The following RBM27 variants were observed in gnomAD, a reference collection of about 807,000 sequenced individuals.
The protein encoded by RBM27 is RNA binding motif protein 27.
RBM27 carries 22 observed loss-of-function variants against 135.3 expected under a neutral mutation model. That is an observed-to-expected ratio of 0.16 (90% CI 0.12 to 0.23). The LOEUF is 0.23. RBM27 is among the 10% of genes least tolerant of loss of function. The pLI is 1.00. For missense variants in RBM27, 1,009 were observed against 1,281.0 expected, an observed-to-expected ratio of 0.79 and a Z score of 3.24; for synonymous variants, 481 against 442.4, an observed-to-expected ratio of 1.09 and a Z score of -1.10.
At chr5:146,276,459 C>T (rs1161385841) in intron 19 of RBM27, among the ~76,000 whole-genome samples, 4 of 152,162 alleles carry the variant, frequency 2.6e-5, no homozygotes, top group Non-Finnish European at 5.9e-5. Context: ...TAATGTCTCA[C>T]TCCTGTCATT....
intron 3 of RBM27, among the ~76,000 whole-genome samples, chr5:146,228,350 C>T (rs538594970): frequency 1.4e-5 from 2 of 144,114 alleles, no homozygotes; most frequent in South Asian, 4.3e-4. Flanking sequence ...GGCGTGATCT[C>T]GGCTCACTGC....
At chr5:146,257,006 A>G (rs1360304693) in intron 10 of RBM27, among the ~76,000 whole-genome samples, 1 of 152,250 alleles carries the variant, frequency 6.6e-6, no homozygotes, top group Non-Finnish European at 1.5e-5. Context: ...CGCAGTTGCT[A>G]TCTTCTTCAT....
chr5:146,282,000 C>CTTTT lies in RBM27; in HGVS notation c.2989-2604_2989-2601dup, dbSNP rs777368235. 5.6e-3 allele frequency among the ~76,000 whole-genome samples: 566 copies of CTTTT among 101,470 alleles called. 1 individual carries two copies. The highest frequency in any genetic ancestry group is 7.5e-3 in the African/African-American group (190 of 25,302). 66.6% of individuals were successfully genotyped at this position (101,470 alleles called of 152,430 possible). ...CAATATACCACAGTTTATTTTTCAT[C>CTTTT]TTTTTTTTTTTTTTTTTTTTTGAGA... On this transcript the variant is annotated intron_variant, in intron 19 of 20. Transcript: ENST00000265271.
At chr5:146,240,070 C>T (rs780432478) in intron 8 of RBM27, among the ~76,000 whole-genome samples, 50 of 152,052 alleles carry the variant, frequency 3.3e-4, no homozygotes, top group Non-Finnish European at 6.5e-4. Context: ...AGCCACTGTT[C>T]CTGGCCTTTA....
intron 8 of RBM27, among the ~76,000 whole-genome samples, chr5:146,245,410 G>A (rs1299451268): frequency 6.6e-6 from 1 of 152,070 alleles, no homozygotes; most frequent in Non-Finnish European, 1.5e-5. Flanking sequence ...AAGTTCGTTC[G>A]TTGTACTGGA....
At chr5:146,269,179 T>C in intron 15 of RBM27, 28 bp from the exon 16 acceptor site, 1 of 1,505,324 alleles carries the variant, frequency 6.6e-7, no homozygotes, top group Non-Finnish European at 9.2e-7. Context: ...TTACATTATC[T>C]GTATTAATTT....
chr5:146,237,578 G>T, intron 8 of RBM27, 146 bp downstream of exon 8: 2 of 970,148 alleles, frequency 2.1e-6, no homozygotes, highest in Admixed American at 2.7e-5. Context: ...ACAGTTTATC[G>T]TGTGTTTCTG....
intron 8 of RBM27, among the ~76,000 whole-genome samples, chr5:146,238,051 T>C (rs893420609): frequency 2.0e-5 from 3 of 152,182 alleles, no homozygotes; most frequent in African/African-American, 7.2e-5. Flanking sequence ...GTTTATCTGA[T>C]TGATTTTCTA....
intron 19 of RBM27, among the ~76,000 whole-genome samples, chr5:146,281,509 G>A (rs1252450500): frequency 6.6e-6 from 1 of 152,086 alleles, no homozygotes; most frequent in African/African-American, 2.4e-5. Context: ...ATTGTCTTGG[G>A]CCACACATAA....
At chr5:146,207,892 T>A (rs981190647) in intron 1 of RBM27, among the ~76,000 whole-genome samples, 26 of 148,650 alleles carry the variant, frequency 1.7e-4, no homozygotes, top group Admixed American at 3.4e-4. Context: ...TGACCTCAGG[T>A]GATCCGCCTC....
At chr5:146,204,922 A>G (rs1005316332) in intron 1 of RBM27, among the ~76,000 whole-genome samples, 109 of 152,122 alleles carry the variant, frequency 7.2e-4, no homozygotes, top group East Asian at 9.7e-4. Flanking sequence ...TTTTGAAACA[A>G]TGTCTCGCTG....
chr5:146,211,418 T>C (rs559713738), intron 1 of RBM27, among the ~76,000 whole-genome samples: 1 of 150,468 alleles, frequency 6.6e-6, no homozygotes, highest in South Asian at 2.1e-4. Flanking sequence ...TTAACAAATG[T>C]GAAAGTCAAC....
At chr5:146,244,120 G>A (rs1273932420) in intron 8 of RBM27, among the ~76,000 whole-genome samples, 1 of 152,150 alleles carries the variant, frequency 6.6e-6, no homozygotes, top group African/African-American at 2.4e-5. Flanking sequence ...ACTGGTTTTG[G>A]AAAAAGACAA....
At chr5:146,208,931 A>G (rs951515100) in intron 1 of RBM27, among the ~76,000 whole-genome samples, 1 of 152,212 alleles carries the variant, frequency 6.6e-6, no homozygotes, top group Non-Finnish European at 1.5e-5. Flanking sequence ...TGTTTTAAAA[A>G]GCATGGTGGG....
In RBM27 at chr5:146,251,829, C is replaced by T. The variant is rs1757898888; in HGVS notation, c.1398C>T (p.Ser466=). ...LVPPRNLMGS[S]IGYHTSVSSP... ...CACCTCGAAACCTCATGGGATCCTC[C>T]ATTGGATACCATACCTCAGTCTCCA... is the stretch of plus-strand genomic sequence containing the variant. Residue 466 remains serine (S), a synonymous_variant, in exon 9 of 21, where the codon TCC becomes TCT. Coordinates refer to ENST00000265271, the MANE Select transcript of RBM27 (RefSeq NM_018989.2). 1 of 1,614,102 alleles carries T rather than the reference C, an allele frequency of 6.2e-7. No individual in the cohort carries two copies.
In RBM27 at chr5:146,242,963, T is replaced by C. The variant is rs559984254; in HGVS notation, c.1279+5531T>C. 6.6e-5 allele frequency among the ~76,000 whole-genome samples: 10 copies of C among 152,222 alleles called. 1 individual carries two copies. In the South Asian group the frequency reaches 2.1e-3, roughly 32 times the overall value. ...AAGTTTTTAATATTTTTCTATTCAG[T>C]TGATTTTAAGATAGCTTTTGGGCTG... is the stretch of plus-strand genomic sequence containing the variant. On this transcript the variant is annotated intron_variant, in intron 8 of 20. Coordinates refer to ENST00000265271, the MANE Select transcript of RBM27 (RefSeq NM_018989.2).
chr5:146,250,974 A>C (rs891086936), intron 8 of RBM27, among the ~76,000 whole-genome samples: 2 of 151,750 alleles, frequency 1.3e-5, no homozygotes, highest in Non-Finnish European at 2.9e-5. Context: ...ACGGGGTTTC[A>C]TCATCTTGGC....
chr5:146,218,587 C>G (rs1756314005), intron 1 of RBM27, among the ~76,000 whole-genome samples: 1 of 152,136 alleles, frequency 6.6e-6, no homozygotes, highest in Non-Finnish European at 1.5e-5. Flanking sequence ...TCCATCACTT[C>G]CCTTCCTTTT....
intron 11 of RBM27, among the ~76,000 whole-genome samples, chr5:146,259,504 CAAAAAAAAAA>C (rs35438348): frequency 1.6e-5 from 1 of 61,658 alleles, no homozygotes; most frequent in Non-Finnish European, 3.0e-5. Context: ...AACTCTGTCT[CAAAAAAAAAA>C]AAAAAAAAAA....
Sources: allele counts gnomAD v4.1 joint callset (sites outside exome capture counted in the v4.1 genomes callset), GRCh38; gene constraint gnomAD v4.1.1; transcripts MANE v1.5; gene names NCBI Gene and HGNC (gene_info 2026-07-23, HGNC 2026-07-21).